The following CORIN variants were observed in gnomAD, a reference collection of about 807,000 sequenced individuals.
CORIN encodes corin, serine peptidase, also known as atrial natriuretic peptide-converting enzyme.
CORIN carries 117 observed loss-of-function variants against 125.3 expected under a neutral mutation model. The observed-to-expected ratio is 0.93, with a 90% CI of 0.80 to 1.09. The LOEUF (loss-of-function observed/expected upper bound fraction) is 1.09, where lower values mean the gene tolerates loss of function less well. Ranked by LOEUF, CORIN falls within the 50% of genes least tolerant of loss-of-function variation. The pLI is 0.00. For synonymous variants in CORIN, 450 were observed against 466.4 expected (o/e 0.96, Z 0.45); for missense variants, 1,253 against 1,306.7 (o/e 0.96, Z 0.63).
chr4:47,671,884 C>T (rs763269887), intron 10 of CORIN, among the ~76,000 whole-genome samples: 10 of 152,162 alleles, frequency 6.6e-5, no homozygotes, highest in African/African-American at 2.2e-4. Context: ...CCACCGCGCC[C>T]GGCCTATGTG....
intron 11 of CORIN, 141 bp from the exon 12 acceptor site, chr4:47,661,997 G>C (rs1724271537): frequency 1.3e-6 from 1 of 781,592 alleles, no homozygotes. Context: ...ACATATATAT[G>C]ATAGGTATTT....
chr4:47,723,007 A>T (rs1235320906), intron 5 of CORIN, among the ~76,000 whole-genome samples: 2 of 152,244 alleles, frequency 1.3e-5, no homozygotes, highest in African/African-American at 2.4e-5. Context: ...GTCTTGACCA[A>T]GAGAAACTCT....
intron 19 of CORIN, among the ~76,000 whole-genome samples, chr4:47,612,638 A>AG (rs879296467): frequency 2.0e-5 from 3 of 152,234 alleles, no homozygotes. Flanking sequence ...TCACAGAGAC[A>AG]GCAAGTGATG....
At chr4:47,736,853 G>C (rs370690086) in intron 5 of CORIN, among the ~76,000 whole-genome samples, 1 of 152,214 alleles carries the variant, frequency 6.6e-6, no homozygotes, top group Non-Finnish European at 1.5e-5. Context: ...CAAAGGCGAA[G>C]AGACAAAAAT....
chr4:47,650,772 T>G (rs1210011766), intron 13 of CORIN, among the ~76,000 whole-genome samples: 1 of 152,230 alleles, frequency 6.6e-6, no homozygotes, highest in Non-Finnish European at 1.5e-5. Context: ...GTAATTGACA[T>G]CTTAAGCATC....
intron 20 of CORIN, among the ~76,000 whole-genome samples, chr4:47,602,960 G>A (rs1277188870): frequency 1.3e-5 from 2 of 152,160 alleles, no homozygotes; most frequent in East Asian, 3.9e-4. Flanking sequence ...CCAGGCTCAA[G>A]AAATCCTCCC....
intron 5 of CORIN, among the ~76,000 whole-genome samples, chr4:47,698,793 CA>C (rs1726155536): frequency 1.3e-5 from 2 of 152,154 alleles, no homozygotes; most frequent in South Asian, 4.1e-4. Flanking sequence ...CAATGGACTA[CA>C]TATACAACAG....
At position 47,763,516 on chromosome 4, in the gene CORIN, G is replaced by A. The variant is rs368956061; in HGVS notation, c.480C>T (p.Leu160=). ...CCATTTCCATGTTTCTGACAACTGA[G>A]AGGAGAGGTGTCAGCGTGGCGTGGT... is the stretch of plus-strand genomic sequence containing the variant. ...LPYHATLTPL[L]SVVRNMEMEK... Residue 160 remains leucine (L), a synonymous_variant, in exon 4 of 22, where the codon CTC becomes CTT. Transcript: ENST00000273857. 2 of 1,614,068 alleles carry A rather than the reference G, an allele frequency of 1.2e-6. No homozygotes were observed. Among genetic ancestry groups the A allele is most frequent in the African/African-American group, 2.7e-5 (2 of 74,930 alleles).
intron 4 of CORIN, 147 bp from the exon 5 acceptor site, chr4:47,744,730 T>G: frequency 1.5e-6 from 1 of 658,522 alleles, no homozygotes; most frequent in Non-Finnish European, 2.4e-6. Flanking sequence ...TTACATTCAG[T>G]CCTATGACAG....
At chr4:47,611,662 G>T (rs1304529813) in intron 19 of CORIN, among the ~76,000 whole-genome samples, 1 of 152,186 alleles carries the variant, frequency 6.6e-6, no homozygotes, top group African/African-American at 2.4e-5. Context: ...GGGCATCCTT[G>T]TCTTGTGCTG....
At chr4:47,631,024 G>A (rs953699698) in intron 16 of CORIN, among the ~76,000 whole-genome samples, 45 of 152,232 alleles carry the variant, frequency 3.0e-4, no homozygotes, top group African/African-American at 9.9e-4. Context: ...AGAGGAGGAG[G>A]GCCGGAGGGT....
intron 1 of CORIN, among the ~76,000 whole-genome samples, chr4:47,825,384 G>A (rs1244827553): frequency 2.0e-5 from 3 of 152,122 alleles, no homozygotes; most frequent in East Asian, 1.9e-4. Context: ...CATCACCTGG[G>A]ACTTGTTAGA....
intron 5 of CORIN, among the ~76,000 whole-genome samples, chr4:47,724,401 T>A (rs149473804): frequency 6.6e-6 from 1 of 151,864 alleles, no homozygotes; most frequent in East Asian, 1.9e-4. Context: ...TATCAAAAGG[T>A]CCAATATTGA....
chr4:47,607,011 T>C (rs1721675340), intron 19 of CORIN, among the ~76,000 whole-genome samples: 2 of 152,234 alleles, frequency 1.3e-5, no homozygotes. Flanking sequence ...AATCGAACAT[T>C]CCAAATTATT....
chr4:47,603,608 T>C lies in CORIN; in HGVS notation c.2601A>G (p.Ser867=). The change falls in exon 20 of 22, where the codon TCA becomes TCG. Residue 867 remains serine, a synonymous_variant. Coordinates refer to ENST00000273857, the MANE Select transcript of CORIN (RefSeq NM_006587.4). ...VLGINNLDHP[S]VFMQTRFVKT... ...TCACAAAGCGTGTCTGCATGAACAC[T>C]GATGGATGGTCTAGATTGTTGATGC... 6.2e-7 allele frequency: 1 copy of C among 1,614,228 alleles called. No homozygotes were observed. Among genetic ancestry groups the C allele is most frequent in the Non-Finnish European group, 8.5e-7 (1 of 1,180,030 alleles).
At chr4:47,736,841 C>T (rs1728157882) in intron 5 of CORIN, among the ~76,000 whole-genome samples, 1 of 152,148 alleles carries the variant, frequency 6.6e-6, no homozygotes, top group African/African-American at 2.4e-5. Flanking sequence ...TTGGCAATTC[C>T]ACAAAGGCGA....
At chr4:47,681,189 G>T (rs1232507554) in intron 7 of CORIN, 1 of 152,190 alleles carries the variant, frequency 6.6e-6, no homozygotes, top group Non-Finnish European at 1.5e-5. Context: ...CAGTGCCATG[G>T]TCATAGACAG....
chr4:47,702,714 C>A (rs575214762), intron 5 of CORIN, among the ~76,000 whole-genome samples: 2 of 151,644 alleles, frequency 1.3e-5, no homozygotes, highest in Admixed American at 6.6e-5. Context: ...ATCCTGAGAA[C>A]CAGAAATAGA....
intron 16 of CORIN, among the ~76,000 whole-genome samples, chr4:47,639,634 G>A (rs903998475): frequency 6.6e-6 from 1 of 152,194 alleles, no homozygotes; most frequent in Admixed American, 6.5e-5. Flanking sequence ...CCCTCCTTGT[G>A]CAGCATAGGC....
Sources: gnomAD v4.1 joint callset for allele counts (sites outside exome capture counted in the v4.1 genomes callset) on GRCh38, gnomAD v4.1.1 for gene constraint, MANE v1.5 for transcripts, NCBI Gene and HGNC (gene_info 2026-07-23, HGNC 2026-07-21) for gene names.